Variants in MROH9 observed in about 807,000 individuals in gnomAD.
MROH9 encodes the protein maestro heat like repeat family member 9, also known as maestro heat-like repeat-containing protein family member 9.
MROH9 carries 92 observed loss-of-function variants against 98.2 expected under a neutral mutation model. That is an observed-to-expected ratio of 0.94 (90% CI 0.79 to 1.11). The LOEUF is 1.11. MROH9 is among the 50% of genes most tolerant of loss of function. The pLI, the probability that MROH9 is intolerant of heterozygous loss-of-function variation, is 0.00. For missense variants in MROH9, 1,057 were observed against 1,014.8 expected (o/e 1.04, Z -0.57); for synonymous variants, 397 against 368.9 (o/e 1.08, Z -0.87).
chr1:170,958,337 T>C (rs540253189), intron 3 of MROH9, 124 bp from the exon 4 acceptor site: 14 of 501,114 alleles, frequency 2.8e-5, no homozygotes, highest in Non-Finnish European at 4.7e-5. Flanking sequence ...CTTGAGCATG[T>C]TTTCCAGTCT....
chr1:170,980,354 G>C (rs1311447395), intron 8 of MROH9, among the ~76,000 whole-genome samples: 2 of 152,168 alleles, frequency 1.3e-5, no homozygotes, highest in South Asian at 4.1e-4. Flanking sequence ...CAAGGCTACA[G>C]TAACCAAAAC....
intron 12 of MROH9, 135 bp downstream of exon 12, chr1:170,992,464 T>A: frequency 1.1e-6 from 1 of 889,796 alleles, no homozygotes; most frequent in Non-Finnish European, 1.7e-6. Flanking sequence ...AACACATATT[T>A]ATTGAGTGTC....
intron 12 of MROH9, 33 bp downstream of exon 12, chr1:170,992,362 G>C: frequency 6.3e-7 from 1 of 1,593,682 alleles, no homozygotes; most frequent in South Asian, 1.1e-5. Flanking sequence ...CTTCTTCTCA[G>C]TACTGTTTTC....
Position 170,992,474 on chromosome 1 carries a change from C to G in MROH9, c.1194+145C>G, listed in dbSNP as rs1251722628. 3 of 786,268 alleles carry G rather than the reference C, an allele frequency of 3.8e-6. No individual in the cohort carries two copies. In the African/African-American group the frequency reaches 5.3e-5, roughly 14 times the overall value. 48.7% of individuals were successfully genotyped at this position (786,268 alleles called of 1,614,324 possible). The stretch of plus-strand genomic sequence containing the variant: ...CATGCAACACATATTTATTGAGTGT[C>G]TATTATTTGCTATGCCCTATTATGG... On this transcript the variant is annotated intron_variant, in intron 12 of 21. Coordinates refer to ENST00000367759, the MANE Select transcript of MROH9 (RefSeq NM_001163629.2).
intron 20 of MROH9, among the ~76,000 whole-genome samples, chr1:171,055,618 TAAAAAAAAA>T (rs1204544479): frequency 1.3e-5 from 1 of 78,252 alleles, no homozygotes. Flanking sequence ...TGAGACTTCA[TAAAAAAAAA>T]AAAAAAAAAA....
intron 17 of MROH9, among the ~76,000 whole-genome samples, chr1:171,019,643 T>A: frequency 6.8e-6 from 1 of 147,036 alleles, no homozygotes. Context: ...AGAACGAGAC[T>A]CCATCAAAAA....
At chr1:170,982,208 A>G (rs1650958166) in intron 8 of MROH9, among the ~76,000 whole-genome samples, 1 of 152,214 alleles carries the variant, frequency 6.6e-6, no homozygotes, top group African/African-American at 2.4e-5. Flanking sequence ...TCCATTAACA[A>G]GCAAATAGAT....
At chr1:171,053,307 T>A (rs1653729564) in intron 20 of MROH9, among the ~76,000 whole-genome samples, 1 of 152,162 alleles carries the variant, frequency 6.6e-6, no homozygotes, top group Non-Finnish European at 1.5e-5. Flanking sequence ...GAAAATGTTG[T>A]CCTCCTCTTG....
Position 171,014,161 on chromosome 1 carries a change from G to C in MROH9, c.1641G>C (p.Leu547Phe), listed in dbSNP as rs764530485. 12 of 1,550,536 alleles carry C rather than the reference G, an allele frequency of 7.7e-6. No homozygotes were observed. Among genetic ancestry groups the C allele is most frequent in the Non-Finnish European group, 9.6e-6 (11 of 1,146,408 alleles). Residue 547 changes from leucine to phenylalanine, a missense_variant, in exon 16 of 22, where the codon TTG becomes TTC. Physicochemically the swap from Leu to Phe is conservative, Grantham distance 22 (BLOSUM62 0). Transcript: ENST00000367759. ...FFKDPLPEEF[L>F]VLFINWINDS... ...AGGACCCTTTACCAGAAGAATTTTT[G>C]GTCCTCTTCATAAACTGGATCAATG... is the stretch of plus-strand genomic sequence containing the variant.
intron 20 of MROH9, among the ~76,000 whole-genome samples, chr1:171,042,691 G>A (rs55820098): frequency 1.1e-4 from 17 of 152,206 alleles, no homozygotes; most frequent in Non-Finnish European, 1.5e-5. Context: ...TATCCGGGGT[G>A]ACAGGATGTC....
At chr1:170,982,480 T>A (rs1261778700) in intron 8 of MROH9, among the ~76,000 whole-genome samples, 1 of 152,120 alleles carries the variant, frequency 6.6e-6, no homozygotes, top group Non-Finnish European at 1.5e-5. Context: ...GTGTGAGGGG[T>A]TACAAAAGGG....
intron 8 of MROH9, 137 bp downstream of exon 8, chr1:170,972,020 T>C: frequency 1.0e-6 from 1 of 972,152 alleles, no homozygotes; most frequent in Middle Eastern, 2.3e-4. Flanking sequence ...CTTTCTAAAA[T>C]GTGTCTTTTA....
At chr1:170,990,063 G>A (rs1651296953) in intron 11 of MROH9, 60 bp downstream of exon 11, 2 of 1,510,348 alleles carry the variant, frequency 1.3e-6, no homozygotes, top group Non-Finnish European at 1.8e-6. Flanking sequence ...TGCACTGTCA[G>A]ATGGACCTGG....
At chr1:171,033,061 C>A (rs1479768503) in intron 20 of MROH9, among the ~76,000 whole-genome samples, 1 of 152,230 alleles carries the variant, frequency 6.6e-6, no homozygotes, top group Admixed American at 6.5e-5. Flanking sequence ...CCACAGACTG[C>A]CACAGCCAGT....
In MROH9 at chr1:170,971,760, G is replaced by C; in HGVS notation, c.493G>C (p.Ala165Pro). 1 of 1,614,028 alleles carries C rather than the reference G, an allele frequency of 6.2e-7. No homozygotes were observed. Among genetic ancestry groups the C allele is most frequent in the Non-Finnish European group, 8.5e-7 (1 of 1,179,922 alleles). ...GTTTCTCCATTAGATAAGTGTTGAT[G>C]CTCCATGTTTGGGTCTCCTGGCAGC... is the stretch of plus-strand genomic sequence containing the variant. ...TKVRKYISVD[A>P]PCLGLLAAEL... Residue 165 changes from alanine (A) to proline (P), a missense_variant, in exon 8 of 22, where the codon GCT (alanine) becomes CCT (proline). Physicochemically the swap from Ala to Pro is conservative, Grantham distance 27. Coordinates refer to ENST00000367759, the MANE Select transcript of MROH9 (RefSeq NM_001163629.2).
At chr1:171,055,618 TAAAAAA>T (rs1204544479) in intron 20 of MROH9, among the ~76,000 whole-genome samples, 1 of 78,250 alleles carries the variant, frequency 1.3e-5, no homozygotes, top group African/African-American at 4.0e-5. Context: ...TGAGACTTCA[TAAAAAA>T]AAAAAAAAAA....
At chr1:171,043,038 G>A (rs558802032) in intron 20 of MROH9, among the ~76,000 whole-genome samples, 1 of 152,136 alleles carries the variant, frequency 6.6e-6, no homozygotes, top group Admixed American at 6.6e-5. Context: ...TGCTTGTGAG[G>A]TATTGGTCAA....
chr1:171,033,843 AACT>A lies in MROH9; in HGVS notation c.2281+8426_2281+8428del, dbSNP rs576347163. Among the ~76,000 whole-genome samples, 92 of 152,296 alleles carry A rather than the reference AACT, an allele frequency of 6.0e-4. 1 individual carries two copies. The highest frequency in any genetic ancestry group is 2.1e-3 in the African/African-American group (87 of 41,544). Reference sequence around the variant, plus strand: ...ATATCCCTGAAGAAGAGAAATGAAAAACTACAACAGAGCAAAAGTCTTCAAATA... The same window carrying A: ...ATATCCCTGAAGAAGAGAAATGAAAAACAACAGAGCAAAAGTCTTCAAATA... On this transcript the variant is annotated intron_variant, in intron 20 of 21. Transcript: ENST00000367759.
At chr1:171,008,386 G>A (rs1462871457) in intron 15 of MROH9, among the ~76,000 whole-genome samples, 1 of 152,004 alleles carries the variant, frequency 6.6e-6, no homozygotes, top group Admixed American at 6.6e-5. Flanking sequence ...CTTGTTCAGA[G>A]GTGATTTTGT....
Sources: gnomAD v4.1 joint callset for allele counts (sites outside exome capture counted in the v4.1 genomes callset) on GRCh38, gnomAD v4.1.1 for gene constraint, MANE v1.5 for transcripts, NCBI Gene and HGNC (gene_info 2026-07-23, HGNC 2026-07-21) for gene names.